The following UBE4B variants were observed in gnomAD, a reference collection of about 807,000 sequenced individuals.
UBE4B encodes the protein ubiquitin conjugation factor E4 B.
A neutral mutation model predicts 148.1 loss-of-function variants in UBE4B; 27 were observed. That is an observed-to-expected ratio of 0.18 (90% CI 0.13 to 0.25). The LOEUF (loss-of-function observed/expected upper bound fraction) is 0.25. UBE4B is among the 10% of genes least tolerant of loss of function. The probability of loss-of-function intolerance (pLI) is 1.00; values close to 1 mark genes in which losing one functional copy is unlikely to be tolerated. For synonymous variants in UBE4B, 596 were observed against 619.3 expected (o/e 0.96, Z 0.56); for missense variants, 1,170 against 1,662.4 (o/e 0.70, Z 5.15).
At chr1:10,060,335 A>G (rs889457199) in intron 1 of UBE4B, among the ~76,000 whole-genome samples, 1 of 152,192 alleles carries the variant, frequency 6.6e-6, no homozygotes, top group African/African-American at 2.4e-5. Flanking sequence ...ACAAACCTGT[A>G]CTGCATGTAA....
chr1:10,180,250 A>C lies in UBE4B; in HGVS notation c.*294A>C. The C allele has an allele frequency of 2.3e-6, 1 of 431,000 alleles. No homozygotes were observed. The highest frequency in any genetic ancestry group is 4.2e-6 in the Non-Finnish European group (1 of 240,252). The allele number at this position is 431,000 out of a possible 1,614,324, so 26.7% of individuals were successfully genotyped here. A position where few individuals can be genotyped will look rare whatever the true frequency, so the allele number is the denominator to read the frequency against. On this transcript the variant is annotated 3_prime_UTR_variant, in exon 28 of 28. Coordinates refer to ENST00000343090, the MANE Select transcript of UBE4B (RefSeq NM_001105562.3). ...GTATGTCACAGTTTGGGGCAACGGA[A>C]GTCTTTTAGTGATGGCTAATGGGTC...
At chr1:10,090,067 A>G (rs955188189) in intron 2 of UBE4B, among the ~76,000 whole-genome samples, 2 of 151,530 alleles carry the variant, frequency 1.3e-5, no homozygotes, top group African/African-American at 4.8e-5. Context: ...ACTGTTCAGC[A>G]GTCTGGGGTA....
At chr1:10,156,937 T>C (rs1172434466) in intron 21 of UBE4B, among the ~76,000 whole-genome samples, 2 of 151,918 alleles carry the variant, frequency 1.3e-5, no homozygotes, top group East Asian at 1.9e-4. Context: ...GGAAGGACGA[T>C]GTAGGAGGAT....
In UBE4B at chr1:10,168,949, G is replaced by A. The variant is rs1646298239; in HGVS notation, c.3333+679G>A. ...AAGGTAACAGCTGTTGACAATGGAA[G>A]GATATTAAGTAGAATAATTGAGACC... On this transcript the variant is annotated intron_variant, in intron 24 of 27. Coordinates refer to ENST00000343090, the MANE Select transcript of UBE4B (RefSeq NM_001105562.3). This position sits in a 1 kb window ranked among gnomAD's most constrained non-coding sequence, Gnocchi z 4.9. 6.6e-6 allele frequency among the ~76,000 whole-genome samples: 1 copy of A among 151,898 alleles called. No individual in the cohort carries two copies.
At position 10,168,005 on chromosome 1, in the gene UBE4B, A is replaced by G. The variant is rs1646280081; in HGVS notation, c.3199-131A>G. 1 of 1,109,702 alleles carries G rather than the reference A, an allele frequency of 9.0e-7. No homozygotes were observed. Among genetic ancestry groups the G allele is most frequent in the Non-Finnish European group, 1.2e-6 (1 of 823,924 alleles). 68.7% of individuals were successfully genotyped at this position (1,109,702 alleles called of 1,614,324 possible). The stretch of plus-strand genomic sequence containing the variant: ...GGATGAAACTTCAGTTATCTGGGAC[A>G]TGTGGCAGGCGGTTCTGTCATTCCC... On this transcript the variant is annotated intron_variant, in intron 23 of 27. Transcript: ENST00000343090. The surrounding 1 kb of genome is among the most constrained non-coding windows in gnomAD (Gnocchi z 4.9).
chr1:10,126,828 C>T lies in UBE4B; in HGVS notation c.1589C>T (p.Ala530Val). The T allele has an allele frequency of 1.9e-6, 3 of 1,614,064 alleles. No individual in the cohort carries two copies. The highest frequency in any genetic ancestry group is 2.5e-6 in the Non-Finnish European group (3 of 1,179,996). Residue 530 changes from alanine (A) to valine (V), a missense_variant, in exon 11 of 28, where the codon GCT (alanine) becomes GTT (valine). Ala to Val is a moderately conservative substitution (Grantham distance 64, BLOSUM62 0). Around this residue, in one of 6 missense-constraint regions of UBE4B, gnomAD observed 388 missense variants for 536.0 expected, o/e 0.72. Transcript: ENST00000343090. The part of the protein sequence containing the change: ...FIPILQGLAL[A>V]AKECSLDSDY... ...CCCATTTTACAAGGCCTGGCTCTTG[C>T]TGCCAAAGAGTGCTCCCTCGACAGT...
chr1:10,081,869 A>G (rs1644688084), intron 2 of UBE4B, among the ~76,000 whole-genome samples: 1 of 152,092 alleles, frequency 6.6e-6, no homozygotes. Context: ...GATTGCCACC[A>G]TGCCCATCCT....
rs1645095372 is a variant in UBE4B at position 10,105,743 on chromosome 1, A to C, written c.808A>C (p.Ser270Arg). 2 of 1,613,374 alleles carry C rather than the reference A, an allele frequency of 1.2e-6. No homozygotes were observed. The highest frequency in any genetic ancestry group is 1.7e-6 in the Non-Finnish European group (2 of 1,179,972). The change falls in exon 6 of 28, where the codon AGC becomes CGC. Residue 270 changes from serine (S) to arginine (R), a missense_variant and splice_region_variant. By Grantham distance (110) the Ser-to-Arg change is moderately radical. This residue lies in a region of UBE4B where 214 missense variants were observed against 209.1 expected (regional missense o/e 1.02). Coordinates refer to ENST00000343090, the MANE Select transcript of UBE4B (RefSeq NM_001105562.3). The stretch of plus-strand genomic sequence containing the variant: ...TTCCTTTGGTGCCAGCTCTTTGTCT[A>C]GGTCAGTGTGGTTCTCTTTGCACAT... The part of the protein sequence containing the change: ...VASFGASSLS[S>R]LYESSPAPTP...
At chr1:10,174,359 T>C (rs1431284657) in intron 25 of UBE4B, among the ~76,000 whole-genome samples, 35 of 137,680 alleles carry the variant, frequency 2.5e-4, no homozygotes, top group African/African-American at 6.9e-4. Context: ...CACCGCTGCA[T>C]TCCAGCCTGG....
At chr1:10,111,318 A>G (rs1195218061) in intron 7 of UBE4B, among the ~76,000 whole-genome samples, 3 of 151,778 alleles carry the variant, frequency 2.0e-5, no homozygotes, top group Non-Finnish European at 4.4e-5. Context: ...TACTTCCCCT[A>G]ACTCATGTAC....
At chr1:10,139,027 G>A (rs79704569) in intron 17 of UBE4B, among the ~76,000 whole-genome samples, 1,617 of 152,276 alleles carry the variant, frequency 0.011, 27 homozygotes, top group African/African-American at 0.037. Flanking sequence ...CTGTTCAAAA[G>A]AAAGCCTGAC....
intron 16 of UBE4B, 23 bp from the exon 17 acceptor site, chr1:10,137,044 G>A: frequency 6.2e-7 from 1 of 1,613,484 alleles, no homozygotes; most frequent in Non-Finnish European, 8.5e-7. Flanking sequence ...ATTTTATTTA[G>A]GGAATGATGT....
chr1:10,146,083 A>G (rs753462263), intron 18 of UBE4B, among the ~76,000 whole-genome samples: 1 of 152,156 alleles, frequency 6.6e-6, no homozygotes, highest in South Asian at 2.1e-4. Flanking sequence ...AAGATGCACA[A>G]TTAACAAGGG....
chr1:10,048,625 T>C (rs963511603), intron 1 of UBE4B, among the ~76,000 whole-genome samples: 1 of 152,130 alleles, frequency 6.6e-6, no homozygotes, highest in Non-Finnish European at 1.5e-5. Context: ...AAGTATTTCA[T>C]GATGTGGGGG....
chr1:10,166,744 C>T (rs1253107997), intron 23 of UBE4B, among the ~76,000 whole-genome samples: 2 of 151,104 alleles, frequency 1.3e-5, no homozygotes, highest in East Asian at 2.0e-4. Context: ...GCCAACATGG[C>T]GAAACCCCAA....
intron 15 of UBE4B, among the ~76,000 whole-genome samples, chr1:10,134,578 A>G (rs1367258577): frequency 3.9e-5 from 6 of 152,164 alleles, no homozygotes; most frequent in African/African-American, 1.4e-4. Flanking sequence ...ATTATATAAT[A>G]GGCGGTATTC....
intron 21 of UBE4B, among the ~76,000 whole-genome samples, chr1:10,156,333 G>A (rs61782933): frequency 0.051 from 7,621 of 149,176 alleles, 517 homozygotes; most frequent in East Asian, 0.22. Context: ...TTGACCTCCC[G>A]GGCTCAAGTG....
chr1:10,117,863 TG>T (rs1393017429), intron 8 of UBE4B, among the ~76,000 whole-genome samples: 1 of 152,222 alleles, frequency 6.6e-6, no homozygotes, highest in African/African-American at 2.4e-5. Flanking sequence ...TTGACCACAC[TG>T]TAGCTCGGTA....
At position 10,033,684 on chromosome 1, in the gene UBE4B, G is replaced by C; in HGVS notation, c.14G>C (p.Ser5Thr). Reference sequence around the variant, plus strand: ...AAGAGGAAAGCGATGGAGGAGCTGAGCGCTGATGAGGTGAGGAGGTTGGGG... The same window carrying C: ...AAGAGGAAAGCGATGGAGGAGCTGACCGCTGATGAGGTGAGGAGGTTGGGG... MEEL[S>T]ADEIRRRRLA... The change falls in exon 1 of 28, where the codon AGC becomes ACC. Residue 5 changes from serine to threonine, a missense_variant. Ser to Thr is a moderately conservative substitution (Grantham distance 58, BLOSUM62 1). Transcript: ENST00000343090. 1 of 1,571,298 alleles carries C rather than the reference G, an allele frequency of 6.4e-7. No homozygotes were observed. Among genetic ancestry groups the C allele is most frequent in the Non-Finnish European group, 8.6e-7 (1 of 1,159,524 alleles).
Sources: allele counts gnomAD v4.1 joint callset (sites outside exome capture counted in the v4.1 genomes callset), GRCh38; gene constraint gnomAD v4.1.1; regional missense constraint gnomAD v4.1.1; non-coding constraint Gnocchi (gnomAD v3.1); transcripts MANE v1.5; gene names NCBI Gene and HGNC (gene_info 2026-07-23, HGNC 2026-07-21).